Variants in ZNF804B observed in about 807,000 individuals in gnomAD.
ZNF804B encodes zinc finger 804B.
A neutral mutation model predicts 101.4 loss-of-function variants in ZNF804B; 80 were observed. The ratio of observed to expected loss-of-function variants is 0.79; its 90% CI spans 0.66 to 0.95. The LOEUF (loss-of-function observed/expected upper bound fraction) is 0.95, where lower values mean the gene tolerates loss of function less well. Among genes scored for constraint, ZNF804B ranks in the 40% least tolerant of loss-of-function variants. The pLI is 0.00. For synonymous variants in ZNF804B, 622 were observed against 558.8 expected (o/e 1.11, Z -1.59); for missense variants, 1,673 against 1,561.9 (o/e 1.07, Z -1.20).
intron 1 of ZNF804B, among the ~76,000 whole-genome samples, chr7:88,962,180 T>C (rs921256297): frequency 3.3e-5 from 5 of 151,254 alleles, no homozygotes; most frequent in Non-Finnish European, 7.4e-5. Context: ...ATCTCTGCAC[T>C]CACTTCCTTA....
At chr7:89,002,172 G>C (rs1001581533) in intron 1 of ZNF804B, among the ~76,000 whole-genome samples, 3 of 151,656 alleles carry the variant, frequency 2.0e-5, no homozygotes, top group African/African-American at 7.2e-5. Context: ...TACAAATACA[G>C]TAATATATTT....
intron 1 of ZNF804B, among the ~76,000 whole-genome samples, chr7:88,795,229 A>G (rs1186372281): frequency 6.6e-6 from 1 of 152,164 alleles, no homozygotes; most frequent in Non-Finnish European, 1.5e-5. Flanking sequence ...ATCCTAGGAA[A>G]AAACTTTGTA....
intron 1 of ZNF804B, among the ~76,000 whole-genome samples, chr7:89,055,016 T>G (rs1239772501): frequency 6.6e-6 from 1 of 152,022 alleles, no homozygotes; most frequent in Non-Finnish European, 1.5e-5. Flanking sequence ...ATACCAAAAT[T>G]TAAGATAGTA....
chr7:89,050,359 C>A (rs948015934), intron 1 of ZNF804B, among the ~76,000 whole-genome samples: 1 of 152,086 alleles, frequency 6.6e-6, no homozygotes, highest in Non-Finnish European at 1.5e-5. Context: ...AATCAATATT[C>A]ATGTGGTCTA....
At chr7:88,855,797 G>A (rs1049916338) in intron 1 of ZNF804B, among the ~76,000 whole-genome samples, 1 of 152,130 alleles carries the variant, frequency 6.6e-6, no homozygotes, top group Non-Finnish European at 1.5e-5. Flanking sequence ...TGCAAGGAAG[G>A]GATCCAGTTT....
At position 88,855,886 on chromosome 7, in the gene ZNF804B, G is replaced by C. The variant is rs375514261; in HGVS notation, c.108+95802G>C. Among the ~76,000 whole-genome samples, 259 of 152,100 alleles carry C rather than the reference G, an allele frequency of 1.7e-3. 2 individuals are homozygous for C. The East Asian group carries it at 0.025, about 15-fold the overall frequency. On this transcript the variant is annotated intron_variant, in intron 1 of 3. Transcript: ENST00000333190. ...AATCCTTTCCCCATTGCTTGTTTTT[G>C]TCAGGTTTGTCAAAGATCAGATAGT...
intron 1 of ZNF804B, among the ~76,000 whole-genome samples, chr7:89,110,575 T>A (rs1470729649): frequency 6.6e-6 from 1 of 152,184 alleles, no homozygotes; most frequent in Non-Finnish European, 1.5e-5. Context: ...TAATTTTAGG[T>A]TTACAGAAAA....
At chr7:88,877,019 T>TA (rs1182048071) in intron 1 of ZNF804B, among the ~76,000 whole-genome samples, 85 of 78,936 alleles carry the variant, frequency 1.1e-3, no homozygotes, top group African/African-American at 4.6e-3. Flanking sequence ...TATATATATA[T>TA]ATATATAATA....
intron 1 of ZNF804B, among the ~76,000 whole-genome samples, chr7:88,844,178 C>G (rs1791333773): frequency 6.6e-6 from 1 of 152,074 alleles, no homozygotes; most frequent in Non-Finnish European, 1.5e-5. Flanking sequence ...TAACATTTCT[C>G]CCATTATAAT....
intron 1 of ZNF804B, among the ~76,000 whole-genome samples, chr7:88,842,990 AG>A (rs1228952400): frequency 1.3e-5 from 2 of 152,236 alleles, no homozygotes; most frequent in East Asian, 3.8e-4. Context: ...CTTAAATTAT[AG>A]GAAAAAAATT....
At chr7:89,022,935 T>C (rs1788690452) in intron 1 of ZNF804B, among the ~76,000 whole-genome samples, 2 of 152,136 alleles carry the variant, frequency 1.3e-5, no homozygotes, top group Non-Finnish European at 1.5e-5. Flanking sequence ...AAAAAATAAC[T>C]AGTTGGATAA....
intron 1 of ZNF804B, among the ~76,000 whole-genome samples, chr7:88,984,138 C>A (rs920874178): frequency 2.0e-5 from 3 of 152,058 alleles, no homozygotes; most frequent in Admixed American, 6.6e-5. Flanking sequence ...TTCCAGTTAA[C>A]CATGCAGCCT....
At chr7:89,144,744 A>G (rs1311100541) in intron 1 of ZNF804B, among the ~76,000 whole-genome samples, 1 of 152,114 alleles carries the variant, frequency 6.6e-6, no homozygotes, top group East Asian at 1.9e-4. Flanking sequence ...TTTGTTAATT[A>G]GCTTGATTTA....
At chr7:89,246,289 G>C (rs557664773) in intron 2 of ZNF804B, among the ~76,000 whole-genome samples, 1 of 152,178 alleles carries the variant, frequency 6.6e-6, no homozygotes, top group Non-Finnish European at 1.5e-5. Context: ...GGAGCAGTTT[G>C]TCAACCTGGA....
chr7:88,760,104 A>G lies in ZNF804B; in HGVS notation c.108+20A>G, dbSNP rs374461633. Reference sequence around the variant, plus strand: ...TCTCCGGTAATGTGCGCGCGCACACACATACATACACAAACGTTCCAACTC... The same window carrying G: ...TCTCCGGTAATGTGCGCGCGCACACGCATACATACACAAACGTTCCAACTC... On this transcript the variant is annotated intron_variant, in intron 1 of 3. Transcript: ENST00000333190. The G allele has an allele frequency of 3.8e-6, 6 of 1,578,682 alleles. No individual in the cohort carries two copies. In the African/African-American group the frequency reaches 5.4e-5, roughly 14 times the overall value.
At chr7:89,139,041 A>G (rs1398492948) in intron 1 of ZNF804B, among the ~76,000 whole-genome samples, 1 of 152,064 alleles carries the variant, frequency 6.6e-6, no homozygotes, top group Admixed American at 6.6e-5. Flanking sequence ...GTATACAGGC[A>G]TACCTCAGAG....
intron 1 of ZNF804B, among the ~76,000 whole-genome samples, chr7:89,145,661 A>C (rs1475166567): frequency 6.6e-6 from 1 of 152,050 alleles, no homozygotes. Flanking sequence ...TAATACATTC[A>C]TTGACTAATT....
intron 1 of ZNF804B, among the ~76,000 whole-genome samples, chr7:89,075,896 A>C (rs140564268): frequency 6.6e-6 from 1 of 152,182 alleles, no homozygotes; most frequent in Non-Finnish European, 1.5e-5. Context: ...GATCATTTTG[A>C]AGCTTTAAGA....
rs1791057231 is a variant in ZNF804B at position 89,335,204 on chromosome 7, G to T, written c.2222G>T (p.Cys741Phe). The T allele has an allele frequency of 6.2e-7, 1 of 1,613,826 alleles. No individual in the cohort carries two copies. Among genetic ancestry groups the T allele is most frequent in the Non-Finnish European group, 8.5e-7 (1 of 1,179,936 alleles). ...GGTAATAGCAGAGGTAATTTGCTCT[G>T]CTTCCATAAAAGAGAACACCACTCA... is the stretch of plus-strand genomic sequence containing the variant. ...FNGNSRGNLL[C>F]FHKREHHSVE... The change falls in exon 4 of 4, where the codon TGC becomes TTC. Residue 741 changes from cysteine (C) to phenylalanine (F), a missense_variant. Transcript: ENST00000333190.
Sources: allele counts gnomAD v4.1 joint callset (sites outside exome capture counted in the v4.1 genomes callset), GRCh38; gene constraint gnomAD v4.1.1; transcripts MANE v1.5; gene names NCBI Gene and HGNC (gene_info 2026-07-23, HGNC 2026-07-21).